FMNL2: variants seen among roughly 807,000 people sequenced by gnomAD.
The protein encoded by FMNL2 is formin-like protein 2.
FMNL2 carries 51 observed loss-of-function variants against 130.2 expected under a neutral mutation model. That is an observed-to-expected ratio of 0.39 (90% CI 0.31 to 0.49). FMNL2 has a LOEUF of 0.49. Ranked by LOEUF, FMNL2 falls within the 20% of genes least tolerant of loss-of-function variation. The pLI is 0.85. For synonymous variants in FMNL2, 465 were observed against 467.1 expected (o/e 1.00, Z 0.06); for missense variants, 977 against 1,316.2 (o/e 0.74, Z 3.99).
chr2:152,550,604 C>T (rs1007147780), intron 4 of FMNL2, among the ~76,000 whole-genome samples: 5 of 152,156 alleles, frequency 3.3e-5, no homozygotes, highest in African/African-American at 1.2e-4. Flanking sequence ...CAGCCGTTTC[C>T]CTGAAAGTAA....
In FMNL2 at chr2:152,649,112, A is replaced by C. The variant is rs903118453; in HGVS notation, c.*1207A>C. The C allele has an allele frequency of 6.6e-6, 1 of 152,636 alleles. No homozygotes were observed. The allele number at this position is 152,636 out of a possible 1,614,324, so 9.5% of individuals were successfully genotyped here. A position where few individuals can be genotyped will look rare whatever the true frequency, so the allele number is the denominator to read the frequency against. On this transcript the variant is annotated 3_prime_UTR_variant, in exon 26 of 26. Transcript: ENST00000288670. ...CTTGGTACATCAATATATTAATTGT[A>C]AAGTTTATTGTATAGTATTTAACCG...
At chr2:152,363,832 G>A (rs1683330606) in intron 1 of FMNL2, among the ~76,000 whole-genome samples, 1 of 152,164 alleles carries the variant, frequency 6.6e-6, no homozygotes, top group South Asian at 2.1e-4. Context: ...AAAGTTGCTG[G>A]GATTACAGAT....
intron 2 of FMNL2, among the ~76,000 whole-genome samples, chr2:152,535,804 G>A (rs576864082): frequency 1.3e-5 from 2 of 152,258 alleles, no homozygotes; most frequent in Admixed American, 1.3e-4. Flanking sequence ...TGCCTTCTTG[G>A]CCATCTATTA....
chr2:152,539,513 A>G (rs186270954), intron 2 of FMNL2: 28 of 152,356 alleles, frequency 1.8e-4, no homozygotes, highest in African/African-American at 6.5e-4. Context: ...AGTGGATGCA[A>G]TGTGGACCAA....
intron 13 of FMNL2, 89 bp from the exon 14 acceptor site, chr2:152,618,757 T>C: frequency 1.7e-6 from 2 of 1,185,608 alleles, no homozygotes; most frequent in South Asian, 1.7e-5. Flanking sequence ...GAGTATCTTT[T>C]TTTCTCTTTA....
chr2:152,467,308 A>G (rs759392350), intron 1 of FMNL2, among the ~76,000 whole-genome samples: 1 of 152,122 alleles, frequency 6.6e-6, no homozygotes, highest in Non-Finnish European at 1.5e-5. Flanking sequence ...TTGGATTGTC[A>G]TTCCTTTGGC....
At chr2:152,484,722 C>A (rs1690722124) in intron 1 of FMNL2, among the ~76,000 whole-genome samples, 13 of 152,068 alleles carry the variant, frequency 8.5e-5, no homozygotes, top group African/African-American at 3.1e-4. Context: ...TGATGGTGCC[C>A]CTGCACTCCA....
chr2:152,480,633 TAAAAAAAAAAAAAAA>T (rs58943356), intron 1 of FMNL2, among the ~76,000 whole-genome samples: 6 of 37,372 alleles, frequency 1.6e-4, no homozygotes, highest in African/African-American at 3.8e-4. Context: ...AGACTCTGTC[TAAAAAAAAAAAAAAA>T]AAAAAAAAAA....
intron 1 of FMNL2, among the ~76,000 whole-genome samples, chr2:152,479,884 G>A (rs1690395574): frequency 6.6e-6 from 1 of 151,170 alleles, no homozygotes. Context: ...TTAATTTTTT[G>A]TCTTTTTTTT....
At chr2:152,376,027 G>A (rs939460809) in intron 1 of FMNL2, among the ~76,000 whole-genome samples, 1 of 151,868 alleles carries the variant, frequency 6.6e-6, no homozygotes, top group African/African-American at 2.4e-5. Context: ...CCAAGTAGCT[G>A]GGATTACAGG....
At chr2:152,376,138 A>AC (rs1345466456) in intron 1 of FMNL2, among the ~76,000 whole-genome samples, 3 of 151,252 alleles carry the variant, frequency 2.0e-5, no homozygotes, top group African/African-American at 4.9e-5. Context: ...AAGTGATCCA[A>AC]CCCCCCTTGA....
At chr2:152,604,100 G>A (rs1698232883) in intron 9 of FMNL2, among the ~76,000 whole-genome samples, 1 of 150,986 alleles carries the variant, frequency 6.6e-6, no homozygotes, top group Non-Finnish European at 1.5e-5. Context: ...AGTATGCATG[G>A]TATAATGACT....
chr2:152,454,383 T>C (rs538384427), intron 1 of FMNL2, among the ~76,000 whole-genome samples: 1 of 152,314 alleles, frequency 6.6e-6, no homozygotes, highest in Non-Finnish European at 1.5e-5. Flanking sequence ...ATTTTTTCTC[T>C]TGTATTAAAT....
chr2:152,405,717 T>C (rs1685944494), intron 1 of FMNL2, among the ~76,000 whole-genome samples: 1 of 152,214 alleles, frequency 6.6e-6, no homozygotes, highest in Non-Finnish European at 1.5e-5. Context: ...ACTTGAGATC[T>C]AGAAACTGGT....
At chr2:152,435,624 A>G (rs1368051130) in intron 1 of FMNL2, among the ~76,000 whole-genome samples, 1 of 151,586 alleles carries the variant, frequency 6.6e-6, no homozygotes, top group Non-Finnish European at 1.5e-5. Flanking sequence ...GTGTATTGGT[A>G]AAAGTGGTAA....
chr2:152,520,383 T>C (rs908390309), intron 1 of FMNL2, among the ~76,000 whole-genome samples: 1 of 151,830 alleles, frequency 6.6e-6, no homozygotes, highest in Admixed American at 6.6e-5. Flanking sequence ...CATCCAGGGG[T>C]CAGGAGTTCA....
chr2:152,499,800 C>A (rs1691710968), intron 1 of FMNL2, among the ~76,000 whole-genome samples: 1 of 152,148 alleles, frequency 6.6e-6, no homozygotes, highest in South Asian at 2.1e-4. Flanking sequence ...TAAATACATT[C>A]ATTTATGCAC....
chr2:152,385,830 G>T (rs143574659), intron 1 of FMNL2, among the ~76,000 whole-genome samples: 1 of 152,142 alleles, frequency 6.6e-6, no homozygotes, highest in South Asian at 2.1e-4. Context: ...CTTAAATTGT[G>T]TTCTTATGCC....
intron 20 of FMNL2, among the ~76,000 whole-genome samples, chr2:152,631,730 A>G (rs185712457): frequency 3.9e-5 from 6 of 152,286 alleles, no homozygotes; most frequent in African/African-American, 1.4e-4. Context: ...GGTAAATAGG[A>G]ACTACTGTAG....
Sources: allele counts gnomAD v4.1 joint callset (sites outside exome capture counted in the v4.1 genomes callset), GRCh38; gene constraint gnomAD v4.1.1; transcripts MANE v1.5; gene names NCBI Gene and HGNC (gene_info 2026-07-23, HGNC 2026-07-21).